The following VPS13B variants were observed in gnomAD, a reference collection of about 807,000 sequenced individuals.
VPS13B encodes intermembrane lipid transfer protein VPS13B.
VPS13B carries 285 observed loss-of-function variants against 426.4 expected under a neutral mutation model. The observed-to-expected ratio is 0.67, with a 90% CI of 0.61 to 0.74. The LOEUF (loss-of-function observed/expected upper bound fraction) is 0.74. VPS13B is among the 30% of genes least tolerant of loss of function. VPS13B has a pLI of 0.00. For synonymous variants in VPS13B, 1,676 were observed against 1,676.4 expected, an observed-to-expected ratio of 1.00 and a Z score of 0.01; for missense variants, 4,537 against 4,782.6, an observed-to-expected ratio of 0.95 and a Z score of 1.51.
chr8:99,863,574 T>C (rs1361690301), intron 58 of VPS13B, among the ~76,000 whole-genome samples: 1 of 152,094 alleles, frequency 6.6e-6, no homozygotes, highest in Non-Finnish European at 1.5e-5. Context: ...GGTTCCAGTC[T>C]CTTCCCAGTC....
At chr8:99,863,049 A>G (rs545640072) in intron 58 of VPS13B, among the ~76,000 whole-genome samples, 1 of 152,162 alleles carries the variant, frequency 6.6e-6, no homozygotes. Flanking sequence ...CAGAAGCCCC[A>G]GACCTTGGGC....
intron 23 of VPS13B, among the ~76,000 whole-genome samples, chr8:99,443,729 G>A (rs1448440214): frequency 6.6e-6 from 1 of 152,172 alleles, no homozygotes; most frequent in African/African-American, 2.4e-5. Flanking sequence ...TTGATGGACA[G>A]TTGAAGTTGT....
At chr8:99,848,699 G>A in intron 54 of VPS13B, 77 bp from the exon 55 acceptor site, 6 of 1,294,318 alleles carry the variant, frequency 4.6e-6, no homozygotes, top group Non-Finnish European at 6.7e-6. Context: ...AATCAGAACT[G>A]GAGACATTTG....
chr8:99,640,779 A>G (rs534332290), intron 33 of VPS13B, among the ~76,000 whole-genome samples: 54 of 152,338 alleles, frequency 3.5e-4, no homozygotes, highest in Non-Finnish European at 1.2e-4. Flanking sequence ...TCCCTATGGT[A>G]TCATTACAAC....
chr8:99,618,242 T>C (rs1828190397), intron 33 of VPS13B, among the ~76,000 whole-genome samples: 1 of 150,928 alleles, frequency 6.6e-6, no homozygotes, highest in Admixed American at 6.6e-5. Flanking sequence ...AATGTACTAT[T>C]AATGTATTTC....
At chr8:99,220,047 A>C (rs530766649) in intron 17 of VPS13B, among the ~76,000 whole-genome samples, 2 of 152,224 alleles carry the variant, frequency 1.3e-5, no homozygotes, top group African/African-American at 4.8e-5. Flanking sequence ...GGAACCAGAG[A>C]AAAATGAGGC....
chr8:99,191,699 T>C (rs1308631473), intron 16 of VPS13B, among the ~76,000 whole-genome samples: 3 of 152,050 alleles, frequency 2.0e-5, no homozygotes, highest in Non-Finnish European at 4.4e-5. Context: ...GTGTTTTATC[T>C]TTCCTGGTCC....
chr8:99,637,386 C>T (rs112700225), intron 33 of VPS13B, among the ~76,000 whole-genome samples: 29 of 152,118 alleles, frequency 1.9e-4, no homozygotes, highest in African/African-American at 6.7e-4. Flanking sequence ...TGGCTTTTAA[C>T]CCAGTTTTAG....
intron 24 of VPS13B, among the ~76,000 whole-genome samples, chr8:99,470,919 A>C (rs1311954243): frequency 6.6e-6 from 1 of 152,106 alleles, no homozygotes; most frequent in African/African-American, 2.4e-5. Context: ...CAGATATAGG[A>C]AAAGACACAT....
intron 19 of VPS13B, among the ~76,000 whole-genome samples, chr8:99,374,988 T>C (rs971706017): frequency 4.6e-5 from 7 of 152,186 alleles, no homozygotes; most frequent in African/African-American, 7.2e-5. Context: ...TGAGATTTCT[T>C]TTCATTCTCC....
chr8:99,085,480 A>C lies in VPS13B; in HGVS notation c.292-10832A>C, dbSNP rs1019804267. On this transcript the variant is annotated intron_variant, in intron 3 of 61. Coordinates refer to ENST00000357162, the MANE Select transcript of VPS13B (RefSeq NM_152564.5). ...TTTAAGGTTAATATTGTTATGTGTG[A>C]ATTTGATCCTGTCAGTATGATGTTA... is the stretch of plus-strand genomic sequence containing the variant. Among the ~76,000 whole-genome samples, 3 of 151,908 alleles carry C rather than the reference A, an allele frequency of 2.0e-5. No homozygotes were observed. The East Asian group carries it at 5.8e-4, about 29-fold the overall frequency.
At chr8:99,177,436 T>C (rs1435679457) in intron 16 of VPS13B, among the ~76,000 whole-genome samples, 1 of 152,228 alleles carries the variant, frequency 6.6e-6, no homozygotes. Flanking sequence ...CCTATGTGTA[T>C]GAAATTAAAA....
At chr8:99,241,173 A>G (rs927355915) in intron 17 of VPS13B, 5 of 152,226 alleles carry the variant, frequency 3.3e-5, no homozygotes, top group African/African-American at 4.8e-5. Flanking sequence ...CTTTGTGTCA[A>G]AGTTATGAAG....
chr8:99,482,036 T>C (rs902870682), intron 25 of VPS13B, among the ~76,000 whole-genome samples: 1 of 152,136 alleles, frequency 6.6e-6, no homozygotes, highest in Admixed American at 6.6e-5. Flanking sequence ...TTCTGTGAAA[T>C]GGTGAAAACT....
At chr8:99,707,088 G>A (rs926534935) in intron 36 of VPS13B, among the ~76,000 whole-genome samples, 1 of 152,092 alleles carries the variant, frequency 6.6e-6, no homozygotes, top group Non-Finnish European at 1.5e-5. Context: ...CTGAGCAAGG[G>A]AACTGAGGAC....
chr8:99,783,670 G>A (rs1188482649), intron 42 of VPS13B, among the ~76,000 whole-genome samples: 3 of 152,124 alleles, frequency 2.0e-5, no homozygotes, highest in African/African-American at 7.2e-5. Context: ...ACTGAAAACT[G>A]TTTCAACTAA....
At chr8:99,677,163 CATCTTACCCAAAA>C (rs1830973451) in intron 35 of VPS13B, among the ~76,000 whole-genome samples, 1 of 152,182 alleles carries the variant, frequency 6.6e-6, no homozygotes, top group Non-Finnish European at 1.5e-5. Context: ...TATTTCTGTT[CATCTTACCCAAAA>C]TATCATTTTT....
At chr8:99,510,670 C>G (rs1821742630) in intron 28 of VPS13B, among the ~76,000 whole-genome samples, 2 of 152,050 alleles carry the variant, frequency 1.3e-5, no homozygotes, top group Admixed American at 1.3e-4. Flanking sequence ...GCCACCACAT[C>G]TGGCTAATTT....
At chr8:99,488,007 A>C (rs1221809360) in intron 25 of VPS13B, among the ~76,000 whole-genome samples, 1 of 152,044 alleles carries the variant, frequency 6.6e-6, no homozygotes, top group Non-Finnish European at 1.5e-5. Flanking sequence ...CCATTTTAAA[A>C]CTCATGTAGT....
Sources: gnomAD v4.1 joint callset for allele counts (sites outside exome capture counted in the v4.1 genomes callset) on GRCh38, gnomAD v4.1.1 for gene constraint, MANE v1.5 for transcripts, NCBI Gene and HGNC (gene_info 2026-07-23, HGNC 2026-07-21) for gene names.